Variants in MRPS11 observed in about 807,000 individuals in gnomAD.
MRPS11 encodes small ribosomal subunit protein uS11m.
In MRPS11, 27 loss-of-function variants were observed where a neutral mutation model predicts 24.3. That is an observed-to-expected ratio of 1.11 (90% CI 0.82 to 1.53). MRPS11 has a LOEUF of 1.53. Among genes scored for constraint, MRPS11 ranks in the 40% most tolerant of loss-of-function variants. The pLI is 0.00. For missense variants in MRPS11, 277 were observed against 256.5 expected (o/e 1.08, Z -0.55); for synonymous variants, 104 against 98.7 (o/e 1.05, Z -0.32).
At chr15:88,472,829 G>C (rs1194133951) in intron 3 of MRPS11, 104 bp downstream of exon 3, 5 of 873,404 alleles carry the variant, frequency 5.7e-6, no homozygotes, top group African/African-American at 1.7e-5. Flanking sequence ...AAGTGAGGGT[G>C]CTAAGTGCTG....
rs1250872444 is a variant in MRPS11, at chr15:88,480,174, C to CAGGA, written c.*2196_*2199dup. 1 of 152,288 alleles carries CAGGA rather than the reference C, an allele frequency of 6.6e-6. No homozygotes were observed. The highest frequency in any genetic ancestry group is 1.5e-5 in the Non-Finnish European group (1 of 68,078). The allele number at this position is 152,288 out of a possible 1,614,324, so 9.4% of individuals were successfully genotyped here. ...AGGGGCACGTAGAGGATAGTAAACA[C>CAGGA]AGGAGGCTTCTGTGGCTTCTGTAAG... is the stretch of plus-strand genomic sequence containing the variant. On this transcript the variant is annotated 3_prime_UTR_variant, in exon 6 of 6. Coordinates refer to ENST00000325844, the MANE Select transcript of MRPS11 (RefSeq NM_022839.5). This position sits in a 1 kb window ranked among gnomAD's most constrained non-coding sequence, Gnocchi z 5.1.
Position 88,469,216 on chromosome 15 carries a change from G to A in MRPS11, c.182+1192G>A, listed in dbSNP as rs1351942217. 3 of 152,202 alleles carry A rather than the reference G, an allele frequency of 2.0e-5. No homozygotes were observed. The highest frequency in any genetic ancestry group is 2.9e-5 in the Non-Finnish European group (2 of 68,046). The allele number at this position is 152,202 out of a possible 1,614,324, so 9.4% of individuals were successfully genotyped here. Reference sequence around the variant, plus strand: ...TTCAGGTGTGTATGTGATGGCAGATGAGGCCAACAAGACAAGAAGGCATCA... The same window carrying A: ...TTCAGGTGTGTATGTGATGGCAGATAAGGCCAACAAGACAAGAAGGCATCA... On this transcript the variant is annotated intron_variant, in intron 2 of 5. Coordinates refer to ENST00000325844, the MANE Select transcript of MRPS11 (RefSeq NM_022839.5). The surrounding 1 kb of genome is among the most constrained non-coding windows in gnomAD (Gnocchi z 4.4).
intron 4 of MRPS11, 51 bp from the exon 5 acceptor site, chr15:88,476,938 T>C (rs2055833866): frequency 1.9e-6 from 3 of 1,583,284 alleles, no homozygotes; most frequent in Non-Finnish European, 1.7e-6. Context: ...GCAAGAGATT[T>C]GGATGCAGTA....
At position 88,469,027 on chromosome 15, in the gene MRPS11, A is replaced by T. The variant is rs1358883805; in HGVS notation, c.182+1003A>T. On this transcript the variant is annotated intron_variant, in intron 2 of 5. Coordinates refer to ENST00000325844, the MANE Select transcript of MRPS11 (RefSeq NM_022839.5). This position sits in a 1 kb window ranked among gnomAD's most constrained non-coding sequence, Gnocchi z 4.4. Reference sequence around the variant, plus strand: ...TCTGTCTCAAAGAAAAAAAAAAAAAAAAAGAATAAGTGTCTCATTCCTGAG... The same window carrying T: ...TCTGTCTCAAAGAAAAAAAAAAAAATAAAGAATAAGTGTCTCATTCCTGAG... The T allele has an allele frequency of 6.6e-6, 1 of 152,136 alleles. No individual in the cohort carries two copies. The highest frequency in any genetic ancestry group is 2.4e-5 in the African/African-American group (1 of 41,402). 9.4% of individuals were successfully genotyped at this position (152,136 alleles called of 1,614,324 possible).
chr15:88,478,252 G>A lies in MRPS11; in HGVS notation c.*273G>A. 6.8e-6 allele frequency: 3 copies of A among 439,808 alleles called. No individual in the cohort carries two copies. Among genetic ancestry groups the A allele is most frequent in the Non-Finnish European group, 8.1e-6 (2 of 245,978 alleles). 27.2% of individuals were successfully genotyped at this position (439,808 alleles called of 1,614,324 possible). On this transcript the variant is annotated 3_prime_UTR_variant, in exon 6 of 6. Transcript: ENST00000325844. The surrounding 1 kb of genome is among the most constrained non-coding windows in gnomAD (Gnocchi z 4.7). ...CTCTGCTCTGAGAAAATAAATATCT[G>A]TACCACCTGTCATAATTTTGAGATT... is the stretch of plus-strand genomic sequence containing the variant.
In MRPS11 at chr15:88,472,633, C is replaced by T. The variant is rs1330188763; in HGVS notation, c.189C>T (p.Tyr63=). 1 of 1,612,330 alleles carries T rather than the reference C, an allele frequency of 6.2e-7. No individual in the cohort carries two copies. Among genetic ancestry groups the T allele is most frequent in the East Asian group, 2.2e-5 (1 of 44,868 alleles). The change falls in exon 3 of 6, where the codon TAC becomes TAT. Residue 63 remains tyrosine (Y), a synonymous_variant. Transcript: ENST00000325844. ...ATCTTTCTTCTAATTGCAGCATTTA[C>T]CCTCCCATTCCAGGAGAGGAGAGCT... ...AAPSHTKFSI[Y]PPIPGEESSL... is the part of the protein sequence containing the mutation.
intron 2 of MRPS11, chr15:88,468,387 GAA>G: frequency 9.0e-7 from 1 of 1,110,394 alleles, no homozygotes; most frequent in East Asian, 6.4e-5. Context: ...GCTAGCGATG[GAA>G]CAGATGTTCC....
intron 3 of MRPS11, among the ~76,000 whole-genome samples, chr15:88,473,905 TGTG>T (rs2055767315): frequency 6.6e-6 from 1 of 152,230 alleles, no homozygotes; most frequent in Non-Finnish European, 1.5e-5. Context: ...AAGAAAAAGT[TGTG>T]GGTGGATGCA....
intron 2 of MRPS11, chr15:88,468,292 A>G (rs1267267246): frequency 4.0e-6 from 5 of 1,252,654 alleles, no homozygotes; most frequent in Non-Finnish European, 5.1e-6. Flanking sequence ...CATAACATGT[A>G]TCAGCGTTCT....
Position 88,477,163 on chromosome 15 carries a change from A to T in MRPS11, c.477+109A>T. On this transcript the variant is annotated intron_variant, in intron 5 of 5. Transcript: ENST00000325844. The surrounding 1 kb of genome is among the most constrained non-coding windows in gnomAD (Gnocchi z 5.7). ...AGAAAACACCTTTTAGTGGATTTCC[A>T]TGTTTGCTTGAAGTTCCCGTCTGTT... 1 of 1,023,462 alleles carries T rather than the reference A, an allele frequency of 9.8e-7. No homozygotes were observed. The highest frequency in any genetic ancestry group is 1.5e-6 in the Non-Finnish European group (1 of 672,676). The allele number at this position is 1,023,462 out of a possible 1,614,324, so 63.4% of individuals were successfully genotyped here.
chr15:88,470,370 G>C (rs954884008), intron 2 of MRPS11, among the ~76,000 whole-genome samples: 1 of 152,164 alleles, frequency 6.6e-6, no homozygotes, highest in African/African-American at 2.4e-5. Context: ...TTTAGCTAGA[G>C]ATATACAGTT....
chr15:88,467,746 G>C lies in MRPS11; in HGVS notation c.29G>C (p.Arg10Pro). Residue 10 changes from arginine to proline, a missense_variant, in exon 1 of 6, where the codon CGG becomes CCG. Arg to Pro is a moderately radical substitution (Grantham distance 103). Coordinates refer to ENST00000325844, the MANE Select transcript of MRPS11 (RefSeq NM_022839.5). ...CAGGCTGTGAGAAACGCGGGGTCGC[G>C]GTTCCTGCGGTCCTGGACTTGGCCC... MQAVRNAGS[R>P]FLRSWTWPQT... 1 of 1,614,092 alleles carries C rather than the reference G, an allele frequency of 6.2e-7. No homozygotes were observed. The highest frequency in any genetic ancestry group is 2.2e-5 in the East Asian group (1 of 44,860).
In MRPS11 at chr15:88,479,262, C is replaced by G. The variant is rs1035278545; in HGVS notation, c.*1283C>G. On this transcript the variant is annotated 3_prime_UTR_variant, in exon 6 of 6. Coordinates refer to ENST00000325844, the MANE Select transcript of MRPS11 (RefSeq NM_022839.5). ...TCTAGAGACACGACCAGAGAGTCCC[C>G]TCTTCCACAGGCAAAGACTAAGGGT... 2.6e-5 allele frequency: 4 copies of G among 152,216 alleles called. No individual in the cohort carries two copies. Among genetic ancestry groups the G allele is most frequent in the African/African-American group, 9.7e-5 (4 of 41,438 alleles). The allele number at this position is 152,216 out of a possible 1,614,324, so 9.4% of individuals were successfully genotyped here.
rs2055814421 is a variant in MRPS11 at position 88,475,980 on chromosome 15, C to T, written c.411+741C>T. ...CAAGAAAAAAAATAAAAATAAAGAC[C>T]AGTGGTTTGGGGTTGGGAGAGATAT... On this transcript the variant is annotated intron_variant, in intron 4 of 5. Coordinates refer to ENST00000325844, the MANE Select transcript of MRPS11 (RefSeq NM_022839.5). The surrounding 1 kb of genome is among the most constrained non-coding windows in gnomAD (Gnocchi z 4.1). Among the ~76,000 whole-genome samples, 1 of 151,920 alleles carries T rather than the reference C, an allele frequency of 6.6e-6. No individual in the cohort carries two copies. Among genetic ancestry groups the T allele is most frequent in the Non-Finnish European group, 1.5e-5 (1 of 67,956 alleles).
Position 88,468,366 on chromosome 15 carries a change from A to C in MRPS11, c.182+342A>C, listed in dbSNP as rs887891096. The C allele has an allele frequency of 2.0e-5, 22 of 1,126,012 alleles. No homozygotes were observed. In the African/African-American group the frequency reaches 3.2e-4, roughly 16 times the overall value. The allele number at this position is 1,126,012 out of a possible 1,614,324, so 69.8% of individuals were successfully genotyped here. ...TCCCTGCCTCCAAAACAAAATGGGG[A>C]GGTAGAGGGCGCTAGCGATGGAACA... On this transcript the variant is annotated intron_variant, in intron 2 of 5. Coordinates refer to ENST00000325844, the MANE Select transcript of MRPS11 (RefSeq NM_022839.5).
At position 88,477,096 on chromosome 15, in the gene MRPS11, AGT is replaced by A. The variant is rs2055838104; in HGVS notation, c.477+46_477+47del. ...TCCATAGTGTACTTGCCTCCTAGTA[AGT>A]GTGAGAATTTGGGGCTTGAGAGCAG... On this transcript the variant is annotated intron_variant, in intron 5 of 5. Coordinates refer to ENST00000325844, the MANE Select transcript of MRPS11 (RefSeq NM_022839.5). This position sits in a 1 kb window ranked among gnomAD's most constrained non-coding sequence, Gnocchi z 5.7. 1 of 1,594,872 alleles carries A rather than the reference AGT, an allele frequency of 6.3e-7. No individual in the cohort carries two copies. Among genetic ancestry groups the A allele is most frequent in the Non-Finnish European group, 8.6e-7 (1 of 1,164,556 alleles).
intron 2 of MRPS11, chr15:88,469,000 ACT>A (rs1468703088): frequency 1.4e-5 from 2 of 145,686 alleles, no homozygotes; most frequent in Non-Finnish European, 1.5e-5. Context: ...ACAGATTGAG[ACT>A]CTGTCTCAAA....
rs1374104002 is a variant in MRPS11 at position 88,469,610 on chromosome 15, T to C, written c.182+1586T>C. 1.3e-5 allele frequency among the ~76,000 whole-genome samples: 2 copies of C among 152,232 alleles called. No individual in the cohort carries two copies. Among genetic ancestry groups the C allele is most frequent in the Non-Finnish European group, 2.9e-5 (2 of 68,032 alleles). On this transcript the variant is annotated intron_variant, in intron 2 of 5. Transcript: ENST00000325844. The surrounding 1 kb of genome is among the most constrained non-coding windows in gnomAD (Gnocchi z 4.4). ...GAAATGGGAGGCCAATGGAAATTGCTGAATAAAGGGTTGACATGATCTTGC... is the reference window on the plus strand; with the variant it reads ...GAAATGGGAGGCCAATGGAAATTGCCGAATAAAGGGTTGACATGATCTTGC...
chr15:88,472,050 CTGT>C (rs1201040188), intron 2 of MRPS11, among the ~76,000 whole-genome samples: 1 of 152,102 alleles, frequency 6.6e-6, no homozygotes, highest in Non-Finnish European at 1.5e-5. Flanking sequence ...TTGTCTGTAC[CTGT>C]TGTTGGGATA....
Sources: gnomAD v4.1 joint callset for allele counts (sites outside exome capture counted in the v4.1 genomes callset) on GRCh38, gnomAD v4.1.1 for gene constraint, Gnocchi (gnomAD v3.1) non-coding constraint, MANE v1.5 for transcripts, NCBI Gene and HGNC (gene_info 2026-07-23, HGNC 2026-07-21) for gene names.